The following PDE1A variants were observed in gnomAD, a reference collection of about 807,000 sequenced individuals.
PDE1A encodes dual specificity calcium/calmodulin-dependent 3',5'-cyclic nucleotide phosphodiesterase 1A.
Under a neutral mutation model 61.7 loss-of-function variants are expected in PDE1A, and 35 were observed. That is an observed-to-expected ratio of 0.57 (90% CI 0.43 to 0.75). The LOEUF is 0.75. PDE1A is among the 30% of genes least tolerant of loss of function. PDE1A has a pLI of 0.00. For synonymous variants in PDE1A, 232 were observed against 213.2 expected (o/e 1.09, Z -0.77); for missense variants, 597 against 630.6 (o/e 0.95, Z 0.57).
chr2:182,189,156 A>G (rs1685488562), intron 10 of PDE1A, 96 bp from the exon 11 acceptor site: 1 of 657,236 alleles, frequency 1.5e-6, no homozygotes, highest in Non-Finnish European at 2.6e-6. Flanking sequence ...CACATCTTTC[A>G]TTTCTTAATT....
At chr2:182,676,289 T>C in the PDE1A span, among the ~76,000 whole-genome samples, 1 of 152,066 alleles carries the variant, frequency 6.6e-6, no homozygotes, top group Admixed American at 6.5e-5. Flanking sequence ...CAAACACCTC[T>C]ACACACAAAA....
At chr2:182,185,631 A>C (rs1348360647) in intron 13 of PDE1A, among the ~76,000 whole-genome samples, 1 of 152,230 alleles carries the variant, frequency 6.6e-6, no homozygotes, top group Non-Finnish European at 1.5e-5. Flanking sequence ...CCATTTCATT[A>C]TCTCATCTTT....
intron 4 of PDE1A, 53 bp downstream of exon 4, chr2:182,234,379 G>C (rs1271676616): frequency 8.2e-7 from 1 of 1,225,900 alleles, no homozygotes; most frequent in Admixed American, 1.9e-5. Context: ...GCCTTTTTAA[G>C]AGAATTTTTT....
intron 13 of PDE1A, among the ~76,000 whole-genome samples, chr2:182,150,972 A>T (rs1690746237): frequency 6.6e-6 from 1 of 152,212 alleles, no homozygotes; most frequent in East Asian, 1.9e-4. Context: ...AGGATAAATT[A>T]TTATACAATT....
the PDE1A span, among the ~76,000 whole-genome samples, chr2:182,577,186 C>T: frequency 2.0e-5 from 3 of 151,850 alleles, no homozygotes. Flanking sequence ...GAATCTGAAG[C>T]TTAGAATATA....
the PDE1A span, among the ~76,000 whole-genome samples, chr2:182,658,062 A>C: frequency 7.8e-5 from 9 of 114,992 alleles, no homozygotes; most frequent in East Asian, 4.7e-4. Context: ...AAAAAAAAAA[A>C]AAAAAAAAAA....
At chr2:182,160,725 C>T (rs1364728866) in intron 13 of PDE1A, among the ~76,000 whole-genome samples, 1 of 152,096 alleles carries the variant, frequency 6.6e-6, no homozygotes, top group African/African-American at 2.4e-5. Context: ...GATGGCCTAT[C>T]GTGGTGAGAC....
the PDE1A span, among the ~76,000 whole-genome samples, chr2:182,648,789 C>T: frequency 9.2e-5 from 14 of 151,944 alleles, no homozygotes; most frequent in Non-Finnish European, 1.8e-4. Flanking sequence ...ATCCTAATAC[C>T]TGTAATATGA....
chr2:182,491,509 T>C (rs1168490948), intron 2 of PDE1A, among the ~76,000 whole-genome samples: 1 of 152,170 alleles, frequency 6.6e-6, no homozygotes, highest in Non-Finnish European at 1.5e-5. Flanking sequence ...AGGACTACGC[T>C]GGAAAATAGG....
At chr2:182,671,777 G>A in the PDE1A span, among the ~76,000 whole-genome samples, 4 of 140,958 alleles carry the variant, frequency 2.8e-5, no homozygotes, top group East Asian at 2.1e-4. Context: ...CTGCCACCAC[G>A]CCCGGCTAAT....
intron 2 of PDE1A, among the ~76,000 whole-genome samples, chr2:182,465,622 T>C (rs1232432285): frequency 6.6e-6 from 1 of 152,098 alleles, no homozygotes; most frequent in Admixed American, 6.6e-5. Context: ...CCATAAAATA[T>C]TAACCTTAAA....
intron 2 of PDE1A, among the ~76,000 whole-genome samples, chr2:182,465,386 T>A (rs1332604033): frequency 6.6e-6 from 1 of 151,970 alleles, no homozygotes; most frequent in African/African-American, 2.4e-5. Flanking sequence ...AAAAAACAGT[T>A]CAGAGCAGTG....
chr2:182,165,232 A>T (rs1691594441), downstream of PDE1A, among the ~76,000 whole-genome samples: 2 of 151,960 alleles, frequency 1.3e-5, no homozygotes, highest in African/African-American at 4.8e-5. Flanking sequence ...CACTAGCAAA[A>T]TTTTTTCTCA....
At chr2:182,275,347 C>T (rs1333094217) in intron 1 of PDE1A, among the ~76,000 whole-genome samples, 4 of 152,054 alleles carry the variant, frequency 2.6e-5, no homozygotes, top group Non-Finnish European at 5.9e-5. Context: ...ACTTTATATG[C>T]CACTGGCCAG....
chr2:182,290,163 T>A (rs1188508300), intron 1 of PDE1A, among the ~76,000 whole-genome samples: 1 of 152,108 alleles, frequency 6.6e-6, no homozygotes, highest in Non-Finnish European at 1.5e-5. Context: ...ATAAATTAGG[T>A]CTGAAGACAA....
At chr2:182,609,203 T>G in the PDE1A span, among the ~76,000 whole-genome samples, 1 of 152,026 alleles carries the variant, frequency 6.6e-6, no homozygotes, top group East Asian at 1.9e-4. Flanking sequence ...GGTGGAGAAC[T>G]TTTGTGTCTA....
chr2:182,237,335 T>G (rs11691411), intron 3 of PDE1A, among the ~76,000 whole-genome samples: 1 of 151,824 alleles, frequency 6.6e-6, no homozygotes, highest in Non-Finnish European at 1.5e-5. Flanking sequence ...CTACTAAAAA[T>G]ACAAAAAACA....
At chr2:182,474,174 G>C (rs985365971) in intron 2 of PDE1A, among the ~76,000 whole-genome samples, 1 of 151,926 alleles carries the variant, frequency 6.6e-6, no homozygotes, top group Non-Finnish European at 1.5e-5. Flanking sequence ...AACCTACTTT[G>C]TGTAAAGTGA....
chr2:182,536,471 T>C, the PDE1A span, among the ~76,000 whole-genome samples: 1 of 152,172 alleles, frequency 6.6e-6, no homozygotes, highest in Non-Finnish European at 1.5e-5. Context: ...GCCTACCATA[T>C]GCCAATCATT....
Sources: allele counts gnomAD v4.1 joint callset (sites outside exome capture counted in the v4.1 genomes callset), GRCh38; gene constraint gnomAD v4.1.1; transcripts MANE v1.5; gene names NCBI Gene and HGNC (gene_info 2026-07-23, HGNC 2026-07-21).